Variants in UNC13C observed in about 807,000 individuals in gnomAD.
UNC13C encodes unc-13 homolog C, also known as protein unc-13 homolog C.
Under a neutral mutation model 245.4 loss-of-function variants are expected in UNC13C, and 174 were observed. That is an observed-to-expected ratio of 0.71 (90% confidence interval 0.63 to 0.80). The LOEUF (loss-of-function observed/expected upper bound fraction) is 0.80. UNC13C is among the 30% of genes least tolerant of loss of function. The pLI is 0.00. For synonymous variants in UNC13C, 992 were observed against 895.1 expected (o/e 1.11, Z -1.93); for missense variants, 2,829 against 2,602.9 (o/e 1.09, Z -1.89).
At chr15:54,255,684 G>T (rs2036262359) in intron 8 of UNC13C, among the ~76,000 whole-genome samples, 1 of 152,114 alleles carries the variant, frequency 6.6e-6, no homozygotes, top group Non-Finnish European at 1.5e-5. Context: ...GGTTTCTTGG[G>T]AAATGCAACA....
chr15:54,126,531 C>T (rs2031053715), intron 2 of UNC13C, among the ~76,000 whole-genome samples: 1 of 151,950 alleles, frequency 6.6e-6, no homozygotes, highest in African/African-American at 2.4e-5. Flanking sequence ...GAGACTTAAA[C>T]TCCCATACTA....
intron 19 of UNC13C, among the ~76,000 whole-genome samples, chr15:54,458,315 T>C (rs1284486217): frequency 6.6e-6 from 1 of 152,118 alleles, no homozygotes; most frequent in East Asian, 1.9e-4. Flanking sequence ...ATATGGTCCG[T>C]CTTGGGGAAT....
chr15:53,909,554 G>A, the UNC13C span, among the ~76,000 whole-genome samples: 4 of 146,064 alleles, frequency 2.7e-5, no homozygotes, highest in African/African-American at 9.8e-5. Context: ...GAGATCGAGA[G>A]CATCCTGGCC....
chr15:53,867,703 G>A, the UNC13C span, among the ~76,000 whole-genome samples: 4 of 152,228 alleles, frequency 2.6e-5, no homozygotes, highest in Admixed American at 6.5e-5. Flanking sequence ...TTGCCACTGT[G>A]AGGATTGATT....
the UNC13C span, among the ~76,000 whole-genome samples, chr15:53,885,628 T>G: frequency 6.6e-6 from 1 of 152,190 alleles, no homozygotes; most frequent in African/African-American, 2.4e-5. Context: ...ACATAAAATT[T>G]TGATGACATA....
the UNC13C span, among the ~76,000 whole-genome samples, chr15:53,905,666 G>A: frequency 6.6e-6 from 1 of 152,106 alleles, no homozygotes; most frequent in Non-Finnish European, 1.5e-5. Context: ...AAAAGTTTTA[G>A]TTGTGTAGGA....
At chr15:54,029,985 T>A (rs902834320) in intron 2 of UNC13C, among the ~76,000 whole-genome samples, 1 of 152,200 alleles carries the variant, frequency 6.6e-6, no homozygotes, top group Non-Finnish European at 1.5e-5. Flanking sequence ...GCTGCAGCTT[T>A]CTACCCTTTG....
chr15:54,590,344 G>A (rs1263332201), intron 30 of UNC13C, among the ~76,000 whole-genome samples: 1 of 152,104 alleles, frequency 6.6e-6, no homozygotes, highest in Non-Finnish European at 1.5e-5. Flanking sequence ...GTATTTTCAT[G>A]GGAATTGCAT....
chr15:54,059,887 A>C (rs544459478), intron 2 of UNC13C, among the ~76,000 whole-genome samples: 1 of 152,320 alleles, frequency 6.6e-6, no homozygotes, highest in South Asian at 2.1e-4. Flanking sequence ...TATTTAATAA[A>C]TGGTGCTGGG....
At chr15:54,059,635 C>T (rs192843971) in intron 2 of UNC13C, among the ~76,000 whole-genome samples, 4 of 152,096 alleles carry the variant, frequency 2.6e-5, no homozygotes, top group Admixed American at 6.5e-5. Context: ...TCATATGGAA[C>T]CAAAAAAGAG....
At chr15:54,491,633 TGTG>T (rs1330538842) in intron 19 of UNC13C, among the ~76,000 whole-genome samples, 3 of 152,196 alleles carry the variant, frequency 2.0e-5, no homozygotes, top group African/African-American at 7.2e-5. Context: ...TTTGGCTTAA[TGTG>T]GTGCCAAACA....
intron 2 of UNC13C, among the ~76,000 whole-genome samples, chr15:54,054,015 C>G (rs1897388498): frequency 6.6e-6 from 1 of 152,166 alleles, no homozygotes; most frequent in Non-Finnish European, 1.5e-5. Context: ...TTTTCTTCAT[C>G]CATTCGTCTG....
the UNC13C span, among the ~76,000 whole-genome samples, chr15:53,971,810 A>G: frequency 6.6e-6 from 1 of 152,190 alleles, no homozygotes; most frequent in African/African-American, 2.4e-5. Flanking sequence ...CTCTTCCTCT[A>G]GCACCTATTT....
chr15:54,386,509 A>C (rs528483839), intron 17 of UNC13C, among the ~76,000 whole-genome samples: 2 of 152,256 alleles, frequency 1.3e-5, no homozygotes, highest in South Asian at 4.1e-4. Context: ...TGATTTGTTT[A>C]GGGAGTATAT....
chr15:54,578,352 C>T (rs1326437471), intron 30 of UNC13C, among the ~76,000 whole-genome samples: 2 of 152,092 alleles, frequency 1.3e-5, no homozygotes, highest in African/African-American at 2.4e-5. Flanking sequence ...TTATCGCACT[C>T]ACATTTTTAA....
chr15:54,018,736 C>G (rs752628929), intron 2 of UNC13C, among the ~76,000 whole-genome samples: 1 of 152,168 alleles, frequency 6.6e-6, no homozygotes, highest in Non-Finnish European at 1.5e-5. Context: ...CATGTACTTG[C>G]CTCTTATCAC....
intron 4 of UNC13C, among the ~76,000 whole-genome samples, chr15:54,181,897 T>C (rs1595960730): frequency 6.6e-6 from 1 of 152,168 alleles, no homozygotes; most frequent in South Asian, 2.1e-4. Context: ...ATCCTGAAAC[T>C]GTACTAAAGT....
intron 19 of UNC13C, among the ~76,000 whole-genome samples, chr15:54,473,909 A>G (rs989641585): frequency 1.9e-5 from 1 of 53,054 alleles, no homozygotes; most frequent in African/African-American, 7.6e-5. Flanking sequence ...TGAGTCTCTA[A>G]TTATCTATCA....
intron 17 of UNC13C, among the ~76,000 whole-genome samples, chr15:54,350,368 A>G (rs1407224376): frequency 6.6e-6 from 1 of 152,182 alleles, no homozygotes; most frequent in East Asian, 1.9e-4. Context: ...CAAACACCAA[A>G]CTCAGTATGT....
Sources: allele counts gnomAD v4.1 joint callset (sites outside exome capture counted in the v4.1 genomes callset), GRCh38; gene constraint gnomAD v4.1.1; transcripts MANE v1.5; gene names NCBI Gene and HGNC (gene_info 2026-07-23, HGNC 2026-07-21).